Variants in CRACD observed in about 807,000 individuals in gnomAD.
CRACD encodes the protein capping protein-inhibiting regulator of actin dynamics.
Under a neutral mutation model 106.8 loss-of-function variants are expected in CRACD, and 56 were observed. The observed-to-expected ratio is 0.52, with a 90% confidence interval of 0.42 to 0.66. The LOEUF (loss-of-function observed/expected upper bound fraction) is 0.66. Ranked by LOEUF, CRACD falls within the 30% of genes least tolerant of loss-of-function variation. The probability of loss-of-function intolerance (pLI) is 0.00; values close to 1 mark genes in which losing one functional copy is unlikely to be tolerated. For synonymous variants in CRACD, 754 were observed against 670.8 expected, an observed-to-expected ratio of 1.12 and a Z score of -1.92; for missense variants, 1,730 against 1,623.2, an observed-to-expected ratio of 1.07 and a Z score of -1.13.
intron 1 of CRACD, among the ~76,000 whole-genome samples, chr4:56,119,524 G>C (rs13103602): frequency 6.6e-6 from 1 of 151,350 alleles, no homozygotes; most frequent in African/African-American, 2.4e-5. Context: ...TTGTAGAGAT[G>C]ATGTCTCGTC....
intron 2 of CRACD, among the ~76,000 whole-genome samples, chr4:56,255,951 G>A (rs775225217): frequency 1.3e-5 from 2 of 152,166 alleles, no homozygotes; most frequent in African/African-American, 2.4e-5. Context: ...TCTGCCATTT[G>A]GGCCATATGA....
intron 1 of CRACD, among the ~76,000 whole-genome samples, chr4:56,086,714 C>T (rs1733233132): frequency 6.6e-6 from 1 of 152,104 alleles, no homozygotes; most frequent in African/African-American, 2.4e-5. Context: ...CGGCACCGCC[C>T]AGTGAGTTTC....
At chr4:56,084,260 T>G (rs1309586645) in intron 1 of CRACD, among the ~76,000 whole-genome samples, 1 of 152,124 alleles carries the variant, frequency 6.6e-6, no homozygotes, top group African/African-American at 2.4e-5. Flanking sequence ...CTGAGCGTTT[T>G]TCTTATTATT....
At chr4:56,152,097 C>T (rs1009783776) in intron 1 of CRACD, among the ~76,000 whole-genome samples, 3 of 151,294 alleles carry the variant, frequency 2.0e-5, no homozygotes, top group Non-Finnish European at 2.9e-5. Context: ...GCCAGCTCCA[C>T]CTCCCGGGTT....
intron 3 of CRACD, among the ~76,000 whole-genome samples, chr4:56,281,400 A>G (rs1379376536): frequency 1.3e-5 from 2 of 152,082 alleles, no homozygotes; most frequent in African/African-American, 4.8e-5. Flanking sequence ...TGGTGCTGAA[A>G]AGGTTGGGGA....
rs191757004 is a variant in CRACD at position 56,183,126 on chromosome 4, C to G, written c.-189+3696C>G. Among the ~76,000 whole-genome samples the G allele has an allele frequency of 8.5e-3, 1,288 of 151,080 alleles. 8 individuals carry two copies. Among genetic ancestry groups the G allele is most frequent in the Middle Eastern group, 0.048 (14 of 294 alleles). The stretch of plus-strand genomic sequence containing the variant: ...CGCATGCCTGTAATCCCAGCTACTC[C>G]GGAGGCTGAGGCAGGAGAATTGCTT... On this transcript the variant is annotated intron_variant, in intron 2 of 10. Transcript: ENST00000682029.
At chr4:56,318,457 G>A (rs530920515) in intron 8 of CRACD, among the ~76,000 whole-genome samples, 1 of 152,278 alleles carries the variant, frequency 6.6e-6, no homozygotes, top group South Asian at 2.1e-4. Context: ...GGCTTTCATA[G>A]TATCTGCAAA....
chr4:56,151,336 A>G (rs945454181), intron 1 of CRACD, among the ~76,000 whole-genome samples: 4 of 151,814 alleles, frequency 2.6e-5, no homozygotes, highest in Admixed American at 2.6e-4. Context: ...AATAGTTGGT[A>G]TTGGTCAGAC....
intron 1 of CRACD, among the ~76,000 whole-genome samples, chr4:56,054,013 C>T (rs975384733): frequency 8.5e-5 from 13 of 152,076 alleles, no homozygotes; most frequent in African/African-American, 1.7e-4. Context: ...GTGTTTTATG[C>T]GTATTTATTA....
chr4:56,244,016 T>A (rs1306790090), intron 2 of CRACD, among the ~76,000 whole-genome samples: 1 of 152,174 alleles, frequency 6.6e-6, no homozygotes, highest in African/African-American at 2.4e-5. Context: ...TCCAAAAGTC[T>A]TCCAAAGACT....
chr4:56,215,081 C>T (rs997326158), intron 2 of CRACD, among the ~76,000 whole-genome samples: 9 of 152,180 alleles, frequency 5.9e-5, no homozygotes, highest in Non-Finnish European at 1.0e-4. Context: ...GCAGTCATAG[C>T]TTACTCTAAC....
intron 2 of CRACD, among the ~76,000 whole-genome samples, chr4:56,224,908 AG>A (rs1400345867): frequency 2.0e-5 from 3 of 152,158 alleles, no homozygotes; most frequent in African/African-American, 4.8e-5. Flanking sequence ...TTTACCCTGA[AG>A]TTGGGAGCCA....
At chr4:56,187,508 C>CTA (rs1553908498) in intron 2 of CRACD, among the ~76,000 whole-genome samples, 1 of 151,948 alleles carries the variant, frequency 6.6e-6, no homozygotes, top group Non-Finnish European at 1.5e-5. Flanking sequence ...TGGATCAAGC[C>CTA]TATAGACTGT....
In CRACD at chr4:56,131,326, C is replaced by T. The variant is rs75257704; in HGVS notation, c.-335-47958C>T. On this transcript the variant is annotated intron_variant, in intron 1 of 10. Coordinates refer to ENST00000682029, the MANE Select transcript of CRACD (RefSeq NM_001393381.1). ...AGTTTGAATGGGTTGACCTAATGTG[C>T]CACAGAATGCCACATTACAGACGAT... Among the ~76,000 whole-genome samples the T allele has an allele frequency of 2.9e-4, 44 of 152,264 alleles. 2 individuals are homozygous for T. The East Asian group carries it at 8.5e-3, about 29-fold the overall frequency.
At chr4:56,092,152 G>T (rs768556389) in intron 1 of CRACD, among the ~76,000 whole-genome samples, 4 of 152,330 alleles carry the variant, frequency 2.6e-5, no homozygotes, top group Non-Finnish European at 4.4e-5. Flanking sequence ...GTGGAGGAGG[G>T]TGACAGGTTG....
chr4:56,204,328 A>C (rs1577737158), intron 2 of CRACD, among the ~76,000 whole-genome samples: 1 of 152,238 alleles, frequency 6.6e-6, no homozygotes, highest in African/African-American at 2.4e-5. Context: ...CACAGACTTT[A>C]ACTCGAAAAG....
chr4:56,255,317 C>T (rs565892720), intron 2 of CRACD, among the ~76,000 whole-genome samples: 24 of 152,016 alleles, frequency 1.6e-4, no homozygotes, highest in Non-Finnish European at 3.2e-4. Context: ...AATGTCCTCT[C>T]CTCAACAATC....
chr4:56,317,064 C>G (rs1373966694), intron 8 of CRACD, among the ~76,000 whole-genome samples: 1 of 152,114 alleles, frequency 6.6e-6, no homozygotes, highest in African/African-American at 2.4e-5. Context: ...TCTAGAAATT[C>G]TAGTTATAAA....
At chr4:56,186,512 T>C (rs73155180) in intron 2 of CRACD, among the ~76,000 whole-genome samples, 173 of 152,254 alleles carry the variant, frequency 1.1e-3, no homozygotes, top group African/African-American at 3.9e-3. Flanking sequence ...TGACAAGAAA[T>C]AGCAGAGAGA....
Sources: allele counts gnomAD v4.1 joint callset (sites outside exome capture counted in the v4.1 genomes callset), GRCh38; gene constraint gnomAD v4.1.1; transcripts MANE v1.5; gene names NCBI Gene and HGNC (gene_info 2026-07-23, HGNC 2026-07-21).